The following PDE1C variants were observed in gnomAD, a reference collection of about 807,000 sequenced individuals.
PDE1C encodes the protein phosphodiesterase 1C, also known as dual specificity calcium/calmodulin-dependent 3',5'-cyclic nucleotide phosphodiesterase 1C.
PDE1C carries 62 observed loss-of-function variants against 93.1 expected under a neutral mutation model. The observed-to-expected ratio is 0.67, with a 90% CI of 0.54 to 0.82. The LOEUF (loss-of-function observed/expected upper bound fraction) is 0.82. Among genes scored for constraint, PDE1C ranks in the 40% least tolerant of loss-of-function variants. The probability of loss-of-function intolerance (pLI) is 0.00; values close to 1 mark genes in which losing one functional copy is unlikely to be tolerated. For missense variants in PDE1C, 742 were observed against 884.6 expected, an observed-to-expected ratio of 0.84 and a Z score of 2.04; for synonymous variants, 325 against 310.1, an observed-to-expected ratio of 1.05 and a Z score of -0.50.
At chr7:31,956,050 C>T (rs1424795579) in intron 2 of PDE1C, among the ~76,000 whole-genome samples, 1 of 152,050 alleles carries the variant, frequency 6.6e-6, no homozygotes, top group Non-Finnish European at 1.5e-5. Flanking sequence ...TGGTGAGGAC[C>T]AGCAGAGCTT....
At chr7:32,036,688 T>C (rs1791142401) in intron 2 of PDE1C, among the ~76,000 whole-genome samples, 1 of 152,194 alleles carries the variant, frequency 6.6e-6, no homozygotes, top group African/African-American at 2.4e-5. Flanking sequence ...TCAATGAGTT[T>C]CACTACTTAG....
chr7:31,878,847 C>T (rs1374681068), intron 4 of PDE1C, 149 bp downstream of exon 4: 2 of 713,006 alleles, frequency 2.8e-6, no homozygotes, highest in Admixed American at 2.8e-5. Context: ...TATGTTTTTG[C>T]CATTTCTCAT....
rs1039633884 is a variant in PDE1C, at chr7:32,146,879, T to C, written c.308+22906A>G. ...AACCAAGGGATAAGTTGGAGGTATT[T>C]TTCCATTGTTGTTCTCATATATTGT... On this transcript the variant is annotated intron_variant, in intron 3 of 18. Coordinates refer to the PDE1C transcript ENST00000396193. Among the ~76,000 whole-genome samples the C allele has an allele frequency of 2.6e-5, 4 of 152,310 alleles. No individual in the cohort carries two copies. The East Asian group carries it at 7.7e-4, about 29-fold the overall frequency.
At chr7:32,406,457 A>G (rs1024696912) in intron 1 of PDE1C, among the ~76,000 whole-genome samples, 12 of 151,594 alleles carry the variant, frequency 7.9e-5, no homozygotes, top group Non-Finnish European at 1.3e-4. Flanking sequence ...AAAAAATGCT[A>G]CTGAAAGCTG....
At chr7:31,711,272 A>G in the PDE1C span, among the ~76,000 whole-genome samples, 1 of 152,224 alleles carries the variant, frequency 6.6e-6, no homozygotes, top group Non-Finnish European at 1.5e-5. Flanking sequence ...CAATCAAATC[A>G]TATGTATTTT....
chr7:31,806,775 C>T (rs1296433561), intron 16 of PDE1C, among the ~76,000 whole-genome samples: 1 of 151,812 alleles, frequency 6.6e-6, no homozygotes, highest in Non-Finnish European at 1.5e-5. Flanking sequence ...GAACTAGTCA[C>T]CAATGGTTCC....
chr7:31,640,206 C>T, the PDE1C span, among the ~76,000 whole-genome samples: 212 of 152,300 alleles, frequency 1.4e-3, no homozygotes, highest in Middle Eastern at 6.8e-3. Flanking sequence ...CCCTCAATGT[C>T]CTGTGAAATA....
intron 2 of PDE1C, among the ~76,000 whole-genome samples, chr7:31,997,093 T>C (rs1314650630): frequency 1.3e-5 from 2 of 152,286 alleles, no homozygotes; most frequent in African/African-American, 4.8e-5. Context: ...TGGGCAAATA[T>C]TGACAAAACA....
chr7:32,083,185 T>C (rs9692536), intron 3 of PDE1C, among the ~76,000 whole-genome samples: 94,935 of 151,774 alleles, frequency 0.63, 30,071 homozygotes, highest in African/African-American at 0.71. Context: ...AGCCAAGGCT[T>C]GAGAACTACG....
intron 3 of PDE1C, among the ~76,000 whole-genome samples, chr7:32,106,950 A>G (rs576887158): frequency 6.6e-6 from 1 of 151,686 alleles, no homozygotes; most frequent in South Asian, 2.1e-4. Context: ...ACAAAAATAG[A>G]TGGATAATGT....
intron 2 of PDE1C, among the ~76,000 whole-genome samples, chr7:32,017,885 C>T (rs751878806): frequency 7.3e-4 from 109 of 149,796 alleles, no homozygotes; most frequent in Non-Finnish European, 1.4e-3. Flanking sequence ...TTGAAACCAG[C>T]CTGGGCAACA....
At chr7:32,002,508 C>G (rs995326401) in intron 2 of PDE1C, among the ~76,000 whole-genome samples, 1 of 152,144 alleles carries the variant, frequency 6.6e-6, no homozygotes, top group African/African-American at 2.4e-5. Flanking sequence ...TCCACAGAGT[C>G]CACTTCGGGG....
At chr7:32,380,427 T>C (rs1784511956) in intron 1 of PDE1C, among the ~76,000 whole-genome samples, 1 of 147,478 alleles carries the variant, frequency 6.8e-6, no homozygotes, top group East Asian at 2.0e-4. Flanking sequence ...TTTGTATTTT[T>C]AGTAGAGACA....
At chr7:31,973,910 GAC>G (rs1424112121) in intron 2 of PDE1C, among the ~76,000 whole-genome samples, 3 of 152,178 alleles carry the variant, frequency 2.0e-5, no homozygotes, top group African/African-American at 7.2e-5. Flanking sequence ...TAGATAAAGA[GAC>G]AAGGAATAAT....
intron 2 of PDE1C, among the ~76,000 whole-genome samples, chr7:31,961,476 T>G (rs1198643767): frequency 6.6e-6 from 1 of 152,138 alleles, no homozygotes; most frequent in Non-Finnish European, 1.5e-5. Flanking sequence ...TATCAGAGTG[T>G]GTGAGATACA....
intron 14 of PDE1C, among the ~76,000 whole-genome samples, chr7:31,818,142 T>G (rs2128727350): frequency 6.6e-6 from 1 of 152,288 alleles, no homozygotes; most frequent in Non-Finnish European, 1.5e-5. Flanking sequence ...TTTCATGACA[T>G]TCTACTCCCC....
At chr7:31,800,584 T>C (rs1785884672) in intron 16 of PDE1C, among the ~76,000 whole-genome samples, 1 of 150,994 alleles carries the variant, frequency 6.6e-6, no homozygotes, top group Non-Finnish European at 1.5e-5. Context: ...AGCTATTCTG[T>C]TGATCTGTTG....
chr7:31,979,979 G>A (rs1221719206), intron 2 of PDE1C, among the ~76,000 whole-genome samples: 1 of 152,172 alleles, frequency 6.6e-6, no homozygotes, highest in Non-Finnish European at 1.5e-5. Flanking sequence ...ATCATCATGG[G>A]GAGATGGAGG....
At chr7:31,740,303 T>G in the PDE1C span, among the ~76,000 whole-genome samples, 1 of 152,228 alleles carries the variant, frequency 6.6e-6, no homozygotes, top group African/African-American at 2.4e-5. Context: ...GTGTTATAAC[T>G]AATGTTTCTT....
Sources: gnomAD v4.1 joint callset for allele counts (sites outside exome capture counted in the v4.1 genomes callset) on GRCh38, gnomAD v4.1.1 for gene constraint, MANE v1.5 for transcripts, NCBI Gene and HGNC (gene_info 2026-07-23, HGNC 2026-07-21) for gene names.